The following MAST4 variants were observed in gnomAD, a reference collection of about 807,000 sequenced individuals.
The protein encoded by MAST4 is microtubule associated serine/threonine kinase family member 4.
MAST4 carries 89 observed loss-of-function variants against 162.7 expected under a neutral mutation model. That is an observed-to-expected ratio of 0.55 (90% CI 0.46 to 0.65). MAST4 has a LOEUF of 0.65. Ranked by LOEUF, MAST4 falls within the 30% of genes least tolerant of loss-of-function variation. MAST4 has a pLI of 0.00. For missense variants in MAST4, 3,153 were observed against 3,374.0 expected (o/e 0.93, Z 1.62); for synonymous variants, 1,479 against 1,361.1 (o/e 1.09, Z -1.91).
At chr5:66,723,633 T>G (rs1309415843) in intron 1 of MAST4, among the ~76,000 whole-genome samples, 3 of 152,156 alleles carry the variant, frequency 2.0e-5, no homozygotes, top group Non-Finnish European at 2.9e-5. Context: ...TATGAAAAAT[T>G]TGAGCTTTCA....
At chr5:66,776,452 G>A (rs751644670) in intron 2 of MAST4, among the ~76,000 whole-genome samples, 1 of 152,158 alleles carries the variant, frequency 6.6e-6, no homozygotes, top group Non-Finnish European at 1.5e-5. Context: ...ACATTATATT[G>A]TGAAGATGGT....
intron 4 of MAST4, among the ~76,000 whole-genome samples, chr5:66,924,730 G>T (rs1764773077): frequency 6.6e-6 from 1 of 152,122 alleles, no homozygotes; most frequent in Non-Finnish European, 1.5e-5. Flanking sequence ...AATTGATCAT[G>T]TAGGTGGTCA....
At chr5:67,116,519 T>A (rs531385847) in intron 12 of MAST4, among the ~76,000 whole-genome samples, 4 of 151,896 alleles carry the variant, frequency 2.6e-5, no homozygotes, top group Admixed American at 2.6e-4. Context: ...AGGCTAGTTT[T>A]TAATCTATTT....
chr5:66,796,300 G>T (rs1056620211), intron 3 of MAST4, among the ~76,000 whole-genome samples: 14 of 152,208 alleles, frequency 9.2e-5, no homozygotes, highest in African/African-American at 3.4e-4. Context: ...GTCTAAGAAC[G>T]AGTGAAGAAC....
chr5:66,650,209 T>A (rs1185999024), intron 1 of MAST4, among the ~76,000 whole-genome samples: 1 of 152,134 alleles, frequency 6.6e-6, no homozygotes, highest in Admixed American at 6.5e-5. Context: ...CTTCAAGCTG[T>A]GGTCTGGCCA....
At chr5:66,773,065 C>T (rs143086621) in intron 2 of MAST4, among the ~76,000 whole-genome samples, 135 of 152,234 alleles carry the variant, frequency 8.9e-4, no homozygotes, top group African/African-American at 3.1e-3. Context: ...TTGCTTACAG[C>T]TCATTTTTGG....
At chr5:66,884,998 C>T (rs1761945362) in intron 3 of MAST4, among the ~76,000 whole-genome samples, 1 of 152,190 alleles carries the variant, frequency 6.6e-6, no homozygotes, top group South Asian at 2.1e-4. Flanking sequence ...CTGCACAGTC[C>T]TGCTTCGACG....
chr5:66,968,162 A>G (rs374660794), intron 4 of MAST4, among the ~76,000 whole-genome samples: 2 of 152,270 alleles, frequency 1.3e-5, no homozygotes, highest in East Asian at 1.9e-4. Flanking sequence ...CCAAGTTTCT[A>G]TTATGCCGTA....
intron 4 of MAST4, among the ~76,000 whole-genome samples, chr5:66,943,767 C>T (rs1288270674): frequency 6.6e-6 from 1 of 151,980 alleles, no homozygotes; most frequent in African/African-American, 2.4e-5. Flanking sequence ...CTGCCTTTTC[C>T]CTGTGGTAGC....
intron 3 of MAST4, among the ~76,000 whole-genome samples, chr5:66,815,287 A>G (rs1376159755): frequency 6.6e-6 from 1 of 152,234 alleles, no homozygotes; most frequent in Non-Finnish European, 1.5e-5. Context: ...CTGAGCAGTA[A>G]AATTAGTAAC....
chr5:67,159,527 C>T (rs1002102067), intron 26 of MAST4, among the ~76,000 whole-genome samples: 7 of 152,188 alleles, frequency 4.6e-5, no homozygotes, highest in African/African-American at 1.7e-4. Context: ...TAGGTATCTT[C>T]CAGGCATGGG....
intron 3 of MAST4, among the ~76,000 whole-genome samples, chr5:66,878,597 G>A (rs1383790626): frequency 1.3e-5 from 2 of 152,320 alleles, no homozygotes; most frequent in East Asian, 3.9e-4. Flanking sequence ...CTGGGGCATG[G>A]ACTGTGCTGG....
At chr5:66,632,842 A>G (rs1387522132) in intron 1 of MAST4, among the ~76,000 whole-genome samples, 1 of 152,252 alleles carries the variant, frequency 6.6e-6, no homozygotes, top group African/African-American at 2.4e-5. Context: ...ATACACATAT[A>G]CATATTTGTA....
At chr5:67,103,707 GAT>G (rs1363503527) in intron 9 of MAST4, among the ~76,000 whole-genome samples, 1 of 152,212 alleles carries the variant, frequency 6.6e-6, no homozygotes. Context: ...GATGATATAA[GAT>G]GTGTGCTCCT....
Position 66,743,470 on chromosome 5 carries a change from C to T in MAST4, c.364-16239C>T, listed in dbSNP as rs545703157. On this transcript the variant is annotated intron_variant, in intron 1 of 28. Transcript: ENST00000403625. ...TTTTAAAGCAAGCCCTAAGTTCCTG[C>T]GTGCCTCCCACAGAGGTGGGGCGGG... 7.9e-5 allele frequency among the ~76,000 whole-genome samples: 12 copies of T among 152,318 alleles called. No homozygotes were observed. In the South Asian group the frequency reaches 1.7e-3, roughly 21 times the overall value.
At chr5:66,660,667 C>T (rs1235881245) in intron 1 of MAST4, among the ~76,000 whole-genome samples, 5 of 152,120 alleles carry the variant, frequency 3.3e-5, no homozygotes, top group Non-Finnish European at 7.4e-5. Flanking sequence ...ACATTGTCTT[C>T]ATTTACAAGT....
chr5:66,858,510 T>C (rs1759851393), intron 3 of MAST4, among the ~76,000 whole-genome samples: 1 of 152,182 alleles, frequency 6.6e-6, no homozygotes, highest in Non-Finnish European at 1.5e-5. Context: ...GGGTCTGTTT[T>C]TCAGTTCTCT....
chr5:66,596,405 A>G lies in MAST4; in HGVS notation c.-251A>G, dbSNP rs575153266. 2.2e-4 allele frequency: 84 copies of G among 383,674 alleles called. 1 individual carries two copies. The highest frequency in any genetic ancestry group is 2.7e-4 in the Non-Finnish European group (60 of 219,058). The allele number at this position is 383,674 out of a possible 1,614,324, so 23.8% of individuals were successfully genotyped here. The stretch of plus-strand genomic sequence containing the variant: ...GCAGCGCGGGAGCACAGTGGAGCGC[A>G]GATCGCGGACCCGAGCGGGCATGTC... On this transcript the variant is annotated 5_prime_UTR_variant, in exon 1 of 29. Coordinates refer to ENST00000403625, the MANE Select transcript of MAST4 (RefSeq NM_001164664.2).
At chr5:66,920,298 T>C (rs1764445861) in intron 4 of MAST4, among the ~76,000 whole-genome samples, 1 of 152,086 alleles carries the variant, frequency 6.6e-6, no homozygotes, top group South Asian at 2.1e-4. Flanking sequence ...ATTATCAAAA[T>C]TGACAGAGTT....
Sources: gnomAD v4.1 joint callset for allele counts (sites outside exome capture counted in the v4.1 genomes callset) on GRCh38, gnomAD v4.1.1 for gene constraint, MANE v1.5 for transcripts, NCBI Gene and HGNC (gene_info 2026-07-23, HGNC 2026-07-21) for gene names.